OASL: variants seen among roughly 807,000 people sequenced by gnomAD.
OASL encodes the protein 2'-5'-oligoadenylate synthetase like, also known as 2'-5'-oligoadenylate synthase-like protein.
OASL carries 28 observed loss-of-function variants against 35.3 expected under a neutral mutation model. That is an observed-to-expected ratio of 0.79 (90% CI 0.59 to 1.09). The LOEUF is 1.09. Ranked by LOEUF, OASL falls within the 50% of genes least tolerant of loss-of-function variation. The pLI is 0.00. For missense variants in OASL, 620 were observed against 635.2 expected, an observed-to-expected ratio of 0.98 and a Z score of 0.26; for synonymous variants, 252 against 254.6, an observed-to-expected ratio of 0.99 and a Z score of 0.10.
At chr12:121,025,791 A>C (rs1050820277) in intron 4 of OASL, among the ~76,000 whole-genome samples, 1 of 151,362 alleles carries the variant, frequency 6.6e-6, no homozygotes, top group Non-Finnish European at 1.5e-5. Context: ...AAAAACAAAC[A>C]AAAAAAACCC....
chr12:121,031,163 T>A (rs1336923860), intron 3 of OASL, among the ~76,000 whole-genome samples: 1 of 151,572 alleles, frequency 6.6e-6, no homozygotes, highest in African/African-American at 2.4e-5. Flanking sequence ...CAAAAAAAAA[T>A]AATAAAATAA....
chr12:121,031,471 G>A, exon 3 of OASL: 1 of 1,613,860 alleles, frequency 6.2e-7, no homozygotes, highest in Non-Finnish European at 8.5e-7. Context: ...ACCAGGCGCA[G>A]GAGGCTCTTC....
In OASL at chr12:121,033,493, G is replaced by C. The variant is rs148528798; in HGVS notation, c.449C>G (p.Thr150Arg). The C allele has an allele frequency of 1.4e-5, 22 of 1,613,582 alleles. 1 individual carries two copies. In the South Asian group the frequency reaches 1.8e-4, roughly 13 times the overall value. The change falls in exon 2 of 6, where the codon ACG becomes AGG. Residue 150 changes from threonine (T) to arginine (R), a missense_variant. Physicochemically the swap from Thr to Arg is moderately conservative, Grantham distance 71. Coordinates refer to ENST00000257570, the Ensembl canonical transcript of OASL. ...TCTGTAGGCAGGCACAATGGTGACC[G>C]TGATGGGCTCCGCAGTCCCCCTGGT...
At chr12:121,025,198 G>C (rs1399714949) in intron 4 of OASL, among the ~76,000 whole-genome samples, 2 of 151,278 alleles carry the variant, frequency 1.3e-5, no homozygotes, top group Admixed American at 6.6e-5. Flanking sequence ...GGCTGGTCTT[G>C]AACTCCTGAC....
exon 6 of OASL, chr12:121,019,412 T>C (rs1282897565): frequency 1.3e-5 from 2 of 152,212 alleles, no homozygotes; most frequent in African/African-American, 4.8e-5. Flanking sequence ...AACTTTTTAT[T>C]GCTTGGAGTA....
chr12:121,022,004 A>T (rs1869256679), intron 5 of OASL, among the ~76,000 whole-genome samples: 1 of 151,674 alleles, frequency 6.6e-6, no homozygotes, highest in Admixed American at 6.6e-5. Context: ...TGACCTCCCA[A>T]GCTGAAGCGA....
chr12:121,024,462 C>T (rs1302364274), intron 4 of OASL, among the ~76,000 whole-genome samples: 2 of 151,964 alleles, frequency 1.3e-5, no homozygotes, highest in African/African-American at 4.8e-5. Flanking sequence ...ACTAAAAATA[C>T]AAAAAATTAG....
chr12:121,018,426 C>T (rs1035498920), downstream of OASL, among the ~76,000 whole-genome samples: 12 of 151,052 alleles, frequency 7.9e-5, no homozygotes, highest in East Asian at 2.4e-3. Context: ...ATGCTGCTGG[C>T]GCGAGTGGCC....
intron 3 of OASL, among the ~76,000 whole-genome samples, chr12:121,028,284 A>G (rs1869574979): frequency 6.6e-6 from 1 of 152,184 alleles, no homozygotes; most frequent in African/African-American, 2.4e-5. Flanking sequence ...AGTAGCCATG[A>G]TGTTTGGAAG....
intron 5 of OASL, among the ~76,000 whole-genome samples, chr12:121,021,687 T>C (rs1212910746): frequency 6.6e-6 from 1 of 152,214 alleles, no homozygotes; most frequent in African/African-American, 2.4e-5. Flanking sequence ...GGCGTATGCC[T>C]GTAGTCCCAG....
intron 1 of OASL, among the ~76,000 whole-genome samples, chr12:121,034,089 G>C (rs1025638978): frequency 1.3e-5 from 2 of 151,900 alleles, no homozygotes; most frequent in Non-Finnish European, 2.9e-5. Flanking sequence ...GTATGCCAAG[G>C]GTTTGGTGGG....
chr12:121,036,645 G>A lies in OASL; in HGVS notation c.198+2129C>T, dbSNP rs118021403. ...CTAAAAATGCAAAGATTAGCCAGGCGTGGTGGAACACACACACACACAATA... is the reference window on the plus strand; with the variant it reads ...CTAAAAATGCAAAGATTAGCCAGGCATGGTGGAACACACACACACACAATA... On this transcript the variant is annotated intron_variant, in intron 1 of 5. Transcript: ENST00000257570. Among the ~76,000 whole-genome samples, 1,149 of 152,166 alleles carry A rather than the reference G, an allele frequency of 7.6e-3. 9 individuals carry two copies. Among genetic ancestry groups the A allele is most frequent in the Admixed American group, 0.021 (324 of 15,230 alleles).
intron 1 of OASL, among the ~76,000 whole-genome samples, chr12:121,036,149 C>T (rs1373192005): frequency 1.3e-5 from 2 of 152,216 alleles, no homozygotes; most frequent in Admixed American, 1.3e-4. Flanking sequence ...AGGCGTGAGC[C>T]ACTGTGCCTG....
chr12:121,019,256 T>C (rs1869142145), exon 6 of OASL: 1 of 152,206 alleles, frequency 6.6e-6, no homozygotes, highest in Non-Finnish European at 1.5e-5. Context: ...TTTCTGTCCC[T>C]GAAGGCAAAC....
At chr12:121,035,772 G>A (rs1490723489) in intron 1 of OASL, among the ~76,000 whole-genome samples, 2 of 152,110 alleles carry the variant, frequency 1.3e-5, no homozygotes, top group African/African-American at 4.8e-5. Context: ...TGGGCATTCA[G>A]ACCCAGCACC....
intron 5 of OASL, 78 bp downstream of exon 5, chr12:121,023,912 A>G: frequency 1.3e-6 from 2 of 1,549,088 alleles, no homozygotes; most frequent in Non-Finnish European, 1.8e-6. Flanking sequence ...TCAACACAGA[A>G]CTGAATGAGT....
At chr12:121,027,734 A>C in exon 4 of OASL, 2 of 1,614,102 alleles carry the variant, frequency 1.2e-6, no homozygotes, top group Non-Finnish European at 1.7e-6. Context: ...CTTCTTCAGT[A>C]CCCATTTCCC....
intron 1 of OASL, among the ~76,000 whole-genome samples, chr12:121,036,662 C>T (rs1188216280): frequency 6.6e-6 from 1 of 152,066 alleles, no homozygotes; most frequent in Non-Finnish European, 1.5e-5. Context: ...AACACACACA[C>T]ACACAATAAA....
chr12:121,023,915 G>A, intron 5 of OASL, 75 bp downstream of exon 5: 1 of 1,550,876 alleles, frequency 6.4e-7, no homozygotes, highest in Non-Finnish European at 8.8e-7. Flanking sequence ...ACACAGAACT[G>A]AATGAGTAAA....
Sources: allele counts gnomAD v4.1 joint callset (sites outside exome capture counted in the v4.1 genomes callset), GRCh38; gene constraint gnomAD v4.1.1; transcripts MANE v1.5; gene names NCBI Gene and HGNC (gene_info 2026-07-23, HGNC 2026-07-21).